The following CEP128 variants were observed in gnomAD, a reference collection of about 807,000 sequenced individuals.
CEP128 encodes the protein centrosomal protein 128, also known as centrosomal protein 128kDa.
A neutral mutation model predicts 156.7 loss-of-function variants in CEP128; 132 were observed. The ratio of observed to expected loss-of-function variants is 0.84; its 90% confidence interval spans 0.73 to 0.97. The LOEUF is 0.97. Ranked by LOEUF, CEP128 falls within the 50% of genes least tolerant of loss-of-function variation. The pLI, the probability that CEP128 is intolerant of heterozygous loss-of-function variation, is 0.00. For synonymous variants in CEP128, 469 were observed against 448.9 expected (o/e 1.04, Z -0.57); for missense variants, 1,252 against 1,281.9 (o/e 0.98, Z 0.36).
At chr14:80,562,251 A>T (rs1015285795) in intron 20 of CEP128, among the ~76,000 whole-genome samples, 10 of 152,086 alleles carry the variant, frequency 6.6e-5, no homozygotes, top group African/African-American at 2.2e-4. Context: ...AACCTACTCT[A>T]TTCCAAAATG....
At position 80,778,007 on chromosome 14, in the gene CEP128, G is replaced by A. The variant is rs140809152; in HGVS notation, c.2251C>T (p.Arg751Cys). The change falls in exon 16 of 25, where the codon CGT (arginine) becomes TGT (cysteine). Residue 751 changes from arginine to cysteine, a missense_variant. Coordinates refer to ENST00000555265, the MANE Select transcript of CEP128 (RefSeq NM_152446.5). ...GATTTCAACTTCTCCAGCTGACCACGATGAATTTTAGCCATATTCTTCTCT... is the reference window on the plus strand; with the variant it reads ...GATTTCAACTTCTCCAGCTGACCACAATGAATTTTAGCCATATTCTTCTCT... ...LEEKNMAKIH[R>C]GQLEKLKSQC... 51 of 1,613,378 alleles carry A rather than the reference G, an allele frequency of 3.2e-5. No individual in the cohort carries two copies. Among genetic ancestry groups the A allele is most frequent in the South Asian group, 2.5e-4 (23 of 90,994 alleles).
chr14:80,735,812 C>T (rs1898500666), intron 19 of CEP128, among the ~76,000 whole-genome samples: 1 of 152,248 alleles, frequency 6.6e-6, no homozygotes, highest in South Asian at 2.1e-4. Context: ...GCTCATATCC[C>T]TTGGTTCATG....
chr14:80,596,544 C>T (rs12878601), intron 19 of CEP128, among the ~76,000 whole-genome samples: 6 of 152,092 alleles, frequency 3.9e-5, no homozygotes, highest in Non-Finnish European at 5.9e-5. Context: ...CACAGTGGCT[C>T]ATGCCTGTGA....
At chr14:80,791,584 T>G (rs1037554761) in intron 14 of CEP128, among the ~76,000 whole-genome samples, 1 of 152,158 alleles carries the variant, frequency 6.6e-6, no homozygotes, top group Non-Finnish European at 1.5e-5. Context: ...TTGAGCCAGT[T>G]GCCAGATCAG....
chr14:80,653,595 A>T (rs896358882), intron 19 of CEP128, among the ~76,000 whole-genome samples: 1 of 150,656 alleles, frequency 6.6e-6, no homozygotes, highest in Non-Finnish European at 1.5e-5. Flanking sequence ...GCTTGTCTTC[A>T]GAGTTTTAAA....
chr14:80,921,474 G>A (rs561524986), intron 2 of CEP128, among the ~76,000 whole-genome samples: 108 of 152,120 alleles, frequency 7.1e-4, no homozygotes, highest in African/African-American at 2.3e-3. Flanking sequence ...CTCAGCCTCC[G>A]TAACTGAAAG....
intron 14 of CEP128, among the ~76,000 whole-genome samples, chr14:80,480,457 T>C (rs1017540691): frequency 6.6e-6 from 1 of 152,000 alleles, no homozygotes; most frequent in African/African-American, 2.4e-5. Flanking sequence ...CTTTCAGCCA[T>C]GGCTGGAGTG....
intron 19 of CEP128, among the ~76,000 whole-genome samples, chr14:80,707,493 T>G (rs1440750753): frequency 6.6e-6 from 1 of 152,178 alleles, no homozygotes; most frequent in Non-Finnish European, 1.5e-5. Context: ...CAAGGAGTTT[T>G]GGGGACTTTT....
chr14:80,531,229 T>C (rs776179001), intron 21 of CEP128, among the ~76,000 whole-genome samples: 17 of 152,202 alleles, frequency 1.1e-4, no homozygotes, highest in Non-Finnish European at 2.4e-4. Context: ...ACATCAGAAA[T>C]AGACTATGAG....
intron 13 of CEP128, among the ~76,000 whole-genome samples, chr14:80,794,181 G>A (rs541118051): frequency 3.5e-4 from 53 of 152,142 alleles, no homozygotes; most frequent in Admixed American, 1.9e-3. Flanking sequence ...ACTAAGGTCC[G>A]GACAAATGAA....
At chr14:80,657,979 A>G (rs968938959) in intron 19 of CEP128, among the ~76,000 whole-genome samples, 2 of 151,638 alleles carry the variant, frequency 1.3e-5, no homozygotes, top group East Asian at 3.9e-4. Flanking sequence ...GCTCCATTGA[A>G]TATCTATTCT....
intron 21 of CEP128, among the ~76,000 whole-genome samples, chr14:80,551,532 G>A (rs1043590258): frequency 6.6e-6 from 1 of 152,180 alleles, no homozygotes; most frequent in African/African-American, 2.4e-5. Flanking sequence ...CAGTGGAATG[G>A]TGTTAATGTG....
intron 16 of CEP128, among the ~76,000 whole-genome samples, chr14:80,764,465 G>C (rs1900136421): frequency 6.6e-6 from 1 of 151,074 alleles, no homozygotes; most frequent in Non-Finnish European, 1.5e-5. Context: ...CGCCACTGCA[G>C]TCCGCAGTCC....
intron 19 of CEP128, among the ~76,000 whole-genome samples, chr14:80,589,848 A>G (rs942177901): frequency 3.9e-5 from 6 of 152,162 alleles, no homozygotes; most frequent in Admixed American, 2.6e-4. Flanking sequence ...AACATCTATA[A>G]GAAACTAGTT....
At chr14:80,716,484 T>G (rs373292675) in intron 19 of CEP128, among the ~76,000 whole-genome samples, 1 of 152,210 alleles carries the variant, frequency 6.6e-6, no homozygotes, top group African/African-American at 2.4e-5. Flanking sequence ...GGACATTTCA[T>G]ATAAACAGAA....
chr14:80,609,755 A>G (rs924249809), intron 19 of CEP128, among the ~76,000 whole-genome samples: 1 of 152,312 alleles, frequency 6.6e-6, no homozygotes, highest in Admixed American at 6.5e-5. Context: ...GTTTGGAAAG[A>G]ATGCAATAAG....
At chr14:80,845,779 G>A (rs768607439) in intron 9 of CEP128, among the ~76,000 whole-genome samples, 3 of 152,008 alleles carry the variant, frequency 2.0e-5, no homozygotes, top group Non-Finnish European at 2.9e-5. Context: ...GTAGCAAAAC[G>A]GTTTTTGTTT....
chr14:80,906,572 T>C (rs142937337), intron 4 of CEP128, among the ~76,000 whole-genome samples: 1,658 of 152,284 alleles, frequency 0.011, 21 homozygotes, highest in Non-Finnish European at 0.018. Flanking sequence ...AGTACCTCTT[T>C]CAGTCATTCA....
intron 9 of CEP128, 67 bp downstream of exon 9, chr14:80,862,690 A>ATT: frequency 9.3e-7 from 1 of 1,069,998 alleles, no homozygotes; most frequent in East Asian, 2.4e-5. Flanking sequence ...TGCAATAACC[A>ATT]TTTTAACATG....
Sources: allele counts gnomAD v4.1 joint callset (sites outside exome capture counted in the v4.1 genomes callset), GRCh38; gene constraint gnomAD v4.1.1; transcripts MANE v1.5; gene names NCBI Gene and HGNC (gene_info 2026-07-23, HGNC 2026-07-21).